ARHGAP39: variants seen among roughly 807,000 people sequenced by gnomAD.
ARHGAP39 encodes rho GTPase-activating protein 39.
Under a neutral mutation model 106.9 loss-of-function variants are expected in ARHGAP39, and 44 were observed. That is an observed-to-expected ratio of 0.41 (90% CI 0.32 to 0.53). ARHGAP39 has a LOEUF of 0.53. ARHGAP39 is among the 20% of genes least tolerant of loss of function. ARHGAP39 has a pLI of 0.21. For synonymous variants in ARHGAP39, 768 were observed against 693.2 expected (o/e 1.11, Z -1.69); for missense variants, 1,496 against 1,577.3 (o/e 0.95, Z 0.87).
intron 2 of ARHGAP39, among the ~76,000 whole-genome samples, chr8:144,600,350 G>A (rs536750575): frequency 6.0e-5 from 9 of 150,182 alleles, no homozygotes; most frequent in Admixed American, 1.3e-4. Flanking sequence ...GTGCATGTGC[G>A]TGGAGGCATG....
intron 1 of ARHGAP39, among the ~76,000 whole-genome samples, chr8:144,612,880 T>C (rs1406397246): frequency 6.6e-6 from 1 of 152,266 alleles, no homozygotes. Flanking sequence ...TTAGCCCACA[T>C]ATATGTGAGT....
chr8:144,563,857 GT>G (rs1398937740), intron 3 of ARHGAP39, among the ~76,000 whole-genome samples: 1 of 152,068 alleles, frequency 6.6e-6, no homozygotes, highest in East Asian at 1.9e-4. Context: ...ATTAATTTTT[GT>G]TGTAGGCTTG....
At chr8:144,668,259 T>C (rs1416596815) in intron 1 of ARHGAP39, among the ~76,000 whole-genome samples, 5 of 151,992 alleles carry the variant, frequency 3.3e-5, no homozygotes, top group African/African-American at 4.8e-5. Flanking sequence ...CTGGACAACA[T>C]GGCAAAATCC....
chr8:144,659,106 A>G (rs1821764336), intron 1 of ARHGAP39, among the ~76,000 whole-genome samples: 2 of 152,222 alleles, frequency 1.3e-5, no homozygotes, highest in African/African-American at 4.8e-5. Context: ...AGCATTCCTC[A>G]GTAAACTTCC....
intron 1 of ARHGAP39, 52 bp from the exon 2 acceptor site, chr8:144,605,747 C>A: frequency 1.2e-6 from 1 of 840,840 alleles, no homozygotes; most frequent in Non-Finnish European, 1.9e-6. Context: ...CTCACCACAC[C>A]AATCACCCGG....
rs567363336 is a variant in ARHGAP39 at position 144,588,143 on chromosome 8, C to T, written c.81-6866G>A. ...CGGGTTGGCCATGTGTGCCAGGTGC[C>T]GGTTGACAGCACTGTGGGGACTCGT... On this transcript the variant is annotated intron_variant, in intron 2 of 11. Coordinates refer to ENST00000377307, the MANE Select transcript of ARHGAP39 (RefSeq NM_025251.3). Among the ~76,000 whole-genome samples the T allele has an allele frequency of 4.6e-5, 7 of 152,334 alleles. No homozygotes were observed. In the East Asian group the frequency reaches 5.8e-4, roughly 13 times the overall value.
At chr8:144,690,811 A>ATT (rs113293471), upstream of ARHGAP39, among the ~76,000 whole-genome samples, 43 of 116,302 alleles carry the variant, frequency 3.7e-4, no homozygotes, top group African/African-American at 1.1e-3. Flanking sequence ...CACCCAGCTG[A>ATT]TTTTTTTTTT....
intron 7 of ARHGAP39, among the ~76,000 whole-genome samples, chr8:144,534,666 G>A (rs1816883107): frequency 6.6e-6 from 1 of 152,242 alleles, no homozygotes; most frequent in Admixed American, 6.5e-5. Flanking sequence ...GGGGGAGGCA[G>A]GCACTGAGCT....
At chr8:144,661,237 G>A (rs959516517) in intron 1 of ARHGAP39, among the ~76,000 whole-genome samples, 2 of 152,048 alleles carry the variant, frequency 1.3e-5, no homozygotes, top group African/African-American at 4.8e-5. Flanking sequence ...TCTACACACA[G>A]GAGGAGGCCA....
At chr8:144,698,901 G>A in the ARHGAP39 span, 505 of 455,778 alleles carry the variant, frequency 1.1e-3, 5 homozygotes, top group African/African-American at 9.0e-3. Flanking sequence ...GGGGGTTGGG[G>A]GGTCCAAGAT....
intron 1 of ARHGAP39, among the ~76,000 whole-genome samples, chr8:144,674,399 T>C (rs1011043741): frequency 1.3e-5 from 2 of 152,228 alleles, no homozygotes; most frequent in African/African-American, 4.8e-5. Flanking sequence ...GGTTAGCTCC[T>C]ATCCTATCTG....
Position 144,547,973 on chromosome 8 carries a change from C to T in ARHGAP39, c.1113G>A (p.Leu371=). The change falls in exon 5 of 12, where the codon CTG becomes CTA. Residue 371 remains leucine (L), a synonymous_variant. Coordinates refer to ENST00000377307, the MANE Select transcript of ARHGAP39 (RefSeq NM_025251.3). This position sits in a 1 kb window ranked among gnomAD's most constrained non-coding sequence, Gnocchi z 5.2. The stretch of plus-strand genomic sequence containing the variant: ...CGGGACACTTCTGCTTGGTGAGCAC[C>T]AGCTGCTGGCAGGGCGAGGGGGGGC... The part of the protein sequence containing the change: ...KQGPPSPCQQ[L]VLTKQKCPER... 1.2e-6 allele frequency: 2 copies of T among 1,608,126 alleles called. No individual in the cohort carries two copies. The highest frequency in any genetic ancestry group is 2.7e-5 in the African/African-American group (2 of 74,846).
intron 1 of ARHGAP39, among the ~76,000 whole-genome samples, chr8:144,666,882 T>G (rs1821979061): frequency 6.6e-6 from 1 of 151,992 alleles, no homozygotes; most frequent in African/African-American, 2.4e-5. Context: ...TCTGCCCACC[T>G]CCCGTGAAAA....
In ARHGAP39 at chr8:144,563,632, AT is replaced by A. The variant is rs1378935269; in HGVS notation, c.513-7990del. ...GAGACCTTATCTCTATAAAAAAAAA[AT>A]AATAATAATAAAAGAAAATTAGCTG... On this transcript the variant is annotated intron_variant, in intron 3 of 11. Transcript: ENST00000377307. Among the ~76,000 whole-genome samples, 308 of 151,734 alleles carry A rather than the reference AT, an allele frequency of 2.0e-3. 1 individual carries two copies. Among genetic ancestry groups the A allele is most frequent in the Middle Eastern group, 0.01 (3 of 294 alleles).
At position 144,670,145 on chromosome 8, in the gene ARHGAP39, C is replaced by T. The variant is rs976846558; in HGVS notation, c.-82+15541G>A. The stretch of plus-strand genomic sequence containing the variant: ...AACAGAGCTCGGATGCATGCTAGAG[C>T]GTACCGGGAAGCAGGATCAGGGCCT... On this transcript the variant is annotated intron_variant, in intron 1 of 11. Transcript: ENST00000377307. This position sits in a 1 kb window ranked among gnomAD's most constrained non-coding sequence, Gnocchi z 4.4. Among the ~76,000 whole-genome samples, 15 of 152,044 alleles carry T rather than the reference C, an allele frequency of 9.9e-5. No individual in the cohort carries two copies. Among genetic ancestry groups the T allele is most frequent in the African/African-American group, 3.6e-4 (15 of 41,386 alleles).
chr8:144,665,790 A>G (rs573131015), intron 1 of ARHGAP39, among the ~76,000 whole-genome samples: 2 of 152,344 alleles, frequency 1.3e-5, no homozygotes, highest in African/African-American at 4.8e-5. Flanking sequence ...TGCTGCAGGG[A>G]TGGAGCCCTC....
chr8:144,548,581 C>G lies in ARHGAP39; in HGVS notation c.597-92G>C. 6.8e-7 allele frequency: 1 copy of G among 1,472,530 alleles called. No individual in the cohort carries two copies. The highest frequency in any genetic ancestry group is 9.0e-7 in the Non-Finnish European group (1 of 1,107,358). 91.2% of individuals were successfully genotyped at this position (1,472,530 alleles called of 1,614,324 possible). On this transcript the variant is annotated intron_variant, in intron 4 of 11. Coordinates refer to ENST00000377307, the MANE Select transcript of ARHGAP39 (RefSeq NM_025251.3). The surrounding 1 kb of genome is among the most constrained non-coding windows in gnomAD (Gnocchi z 7.4). Reference sequence around the variant, plus strand: ...CGGGGGCTGTAGGCAGCGGCTCCCGCGAACCCTCTGTTGTACACCTTCCTC... The same window carrying G: ...CGGGGGCTGTAGGCAGCGGCTCCCGGGAACCCTCTGTTGTACACCTTCCTC...
intron 2 of ARHGAP39, 83 bp from the exon 3 acceptor site, chr8:144,581,360 C>T: frequency 7.3e-7 from 1 of 1,378,916 alleles, no homozygotes; most frequent in Admixed American, 2.5e-5. Flanking sequence ...CGGCTCCAGC[C>T]CCAGCTGCGA....
intron 2 of ARHGAP39, among the ~76,000 whole-genome samples, chr8:144,589,980 C>T (rs116585250): frequency 2.7e-4 from 41 of 152,278 alleles, no homozygotes; most frequent in Non-Finnish European, 5.0e-4. Context: ...GGGCCCACGA[C>T]GCCCTGACCC....
Sources: allele counts gnomAD v4.1 joint callset (sites outside exome capture counted in the v4.1 genomes callset), GRCh38; gene constraint gnomAD v4.1.1; non-coding constraint Gnocchi (gnomAD v3.1); transcripts MANE v1.5; gene names NCBI Gene and HGNC (gene_info 2026-07-23, HGNC 2026-07-21).